The following ITGBL1 variants were observed in gnomAD, a reference collection of about 807,000 sequenced individuals.
ITGBL1 encodes the protein integrin beta-like protein 1.
In ITGBL1, 51 loss-of-function variants were observed where a neutral mutation model predicts 68.5. That is an observed-to-expected ratio of 0.74 (90% CI 0.59 to 0.94). The LOEUF is 0.94. ITGBL1 is among the 40% of genes least tolerant of loss of function. The pLI is 0.00. For missense variants in ITGBL1, 649 were observed against 647.4 expected (o/e 1.00, Z -0.03); for synonymous variants, 209 against 227.3 (o/e 0.92, Z 0.72).
At chr13:101,643,583 C>G (rs955620716) in intron 7 of ITGBL1, among the ~76,000 whole-genome samples, 4 of 152,132 alleles carry the variant, frequency 2.6e-5, no homozygotes, top group African/African-American at 9.7e-5. Context: ...CCACTGTGAT[C>G]ACAGAACACA....
At chr13:101,510,542 G>C (rs1006542087) in intron 2 of ITGBL1, among the ~76,000 whole-genome samples, 2 of 152,056 alleles carry the variant, frequency 1.3e-5, no homozygotes, top group Non-Finnish European at 2.9e-5. Context: ...TCAAATGGTA[G>C]CTCTGTTTTA....
At chr13:101,475,500 T>C (rs887517096) in intron 2 of ITGBL1, among the ~76,000 whole-genome samples, 2 of 148,162 alleles carry the variant, frequency 1.3e-5, no homozygotes, top group East Asian at 2.3e-4. Context: ...GAGATCAGCA[T>C]AGAAAATTTA....
rs2034556789 is a variant in ITGBL1 at position 101,713,202 on chromosome 13, A to G, written c.1280-1236A>G. 5 of 152,326 alleles carry G rather than the reference A, an allele frequency of 3.3e-5. No individual in the cohort carries two copies. In the South Asian group the frequency reaches 1.0e-3, roughly 32 times the overall value. 9.4% of individuals were successfully genotyped at this position (152,326 alleles called of 1,614,324 possible). On this transcript the variant is annotated intron_variant, in intron 9 of 10. Coordinates refer to ENST00000376180, the MANE Select transcript of ITGBL1 (RefSeq NM_004791.3). ...CAGTTTCCCTGATATGAAATATCACATAGTTGAGACACATGAACCTGAATC... is the reference window on the plus strand; with the variant it reads ...CAGTTTCCCTGATATGAAATATCACGTAGTTGAGACACATGAACCTGAATC...
chr13:101,544,015 G>A (rs925005114), intron 2 of ITGBL1, among the ~76,000 whole-genome samples: 3 of 152,054 alleles, frequency 2.0e-5, no homozygotes, highest in Non-Finnish European at 2.9e-5. Context: ...CCTTTAGCTC[G>A]GAGTAGTTTG....
At chr13:101,671,023 G>C (rs549669036) in intron 7 of ITGBL1, among the ~76,000 whole-genome samples, 1 of 152,142 alleles carries the variant, frequency 6.6e-6, no homozygotes, top group Non-Finnish European at 1.5e-5. Context: ...GAACCCTGCA[G>C]AGTTCAAATT....
At chr13:101,595,562 C>T (rs1446001239) in intron 6 of ITGBL1, among the ~76,000 whole-genome samples, 1 of 151,884 alleles carries the variant, frequency 6.6e-6, no homozygotes, top group Non-Finnish European at 1.5e-5. Context: ...GACATTTTTC[C>T]AAAGAAGATA....
chr13:101,694,067 T>C (rs1566793832), intron 8 of ITGBL1, among the ~76,000 whole-genome samples: 1 of 152,162 alleles, frequency 6.6e-6, no homozygotes, highest in African/African-American at 2.4e-5. Flanking sequence ...GAAGTTAACA[T>C]CCCATAACTA....
intron 2 of ITGBL1, among the ~76,000 whole-genome samples, chr13:101,501,179 G>T (rs767390244): frequency 7.2e-5 from 11 of 152,150 alleles, no homozygotes; most frequent in South Asian, 2.1e-4. Flanking sequence ...TAAATCTGAT[G>T]ACCTTTCTTC....
chr13:101,502,342 A>T (rs1164787000), intron 2 of ITGBL1, among the ~76,000 whole-genome samples: 1 of 152,184 alleles, frequency 6.6e-6, no homozygotes, highest in Non-Finnish European at 1.5e-5. Context: ...GCCATGCTGG[A>T]GCCCTGTGTC....
At chr13:101,619,787 T>G (rs1308368903) in intron 7 of ITGBL1, among the ~76,000 whole-genome samples, 1 of 152,324 alleles carries the variant, frequency 6.6e-6, no homozygotes, top group Middle Eastern at 3.4e-3. Context: ...TGAAAAAGAA[T>G]TATGTATAAA....
chr13:101,630,305 G>A (rs1286508126), intron 7 of ITGBL1, among the ~76,000 whole-genome samples: 2 of 151,902 alleles, frequency 1.3e-5, no homozygotes, highest in Non-Finnish European at 1.5e-5. Flanking sequence ...TAAAATAAAT[G>A]ACAAATCATT....
At position 101,692,694 on chromosome 13, in the gene ITGBL1, C is replaced by A; in HGVS notation, c.1125C>A (p.Val375=). The A allele has an allele frequency of 6.2e-7, 1 of 1,608,828 alleles. No individual in the cohort carries two copies. The highest frequency in any genetic ancestry group is 1.1e-5 in the South Asian group (1 of 90,976). ...GCTGTGAAGACCTCGATGGTGTGGT[C>A]TGTGGAGGTAGTAACCTTTCTCATA... ...DRRCEDLDGV[V]CGGHGTCSCG... Residue 375 remains valine (V), a synonymous_variant, in exon 8 of 11, where the codon GTC becomes GTA. Transcript: ENST00000376180.
intron 2 of ITGBL1, among the ~76,000 whole-genome samples, chr13:101,486,257 A>G (rs1306401927): frequency 6.6e-6 from 1 of 152,192 alleles, no homozygotes; most frequent in Non-Finnish European, 1.5e-5. Flanking sequence ...AACCAAATAT[A>G]TGTTCTCACT....
chr13:101,595,220 C>T (rs1379833157), intron 6 of ITGBL1, among the ~76,000 whole-genome samples: 1 of 152,240 alleles, frequency 6.6e-6, no homozygotes. Flanking sequence ...AAAGTGGAGG[C>T]AGAGCTAGTG....
At chr13:101,509,583 A>G (rs1198525032) in intron 2 of ITGBL1, among the ~76,000 whole-genome samples, 1 of 152,130 alleles carries the variant, frequency 6.6e-6, no homozygotes, top group Non-Finnish European at 1.5e-5. Context: ...GATATTCAAT[A>G]TCATTATTAT....
chr13:101,493,346 GA>G (rs879435983), intron 2 of ITGBL1, among the ~76,000 whole-genome samples: 131 of 142,064 alleles, frequency 9.2e-4, no homozygotes, highest in East Asian at 4.7e-3. Flanking sequence ...GTCACTTATT[GA>G]AAAAAAAAAA....
At chr13:101,713,344 C>T (rs2034567503) in intron 9 of ITGBL1, 1 of 152,098 alleles carries the variant, frequency 6.6e-6, no homozygotes, top group African/African-American at 2.4e-5. Context: ...TTGATTCTTG[C>T]CCCTTTTCAA....
intron 2 of ITGBL1, among the ~76,000 whole-genome samples, chr13:101,470,392 C>T (rs1006557855): frequency 1.1e-4 from 17 of 151,636 alleles, no homozygotes; most frequent in South Asian, 2.1e-4. Flanking sequence ...TGCAGTGGCG[C>T]GATCTCGGCT....
chr13:101,501,305 G>T (rs1262014906), intron 2 of ITGBL1, among the ~76,000 whole-genome samples: 1 of 152,154 alleles, frequency 6.6e-6, no homozygotes. Flanking sequence ...CAGAATCCTT[G>T]CAGTAATGGT....
Sources: allele counts gnomAD v4.1 joint callset (sites outside exome capture counted in the v4.1 genomes callset), GRCh38; gene constraint gnomAD v4.1.1; transcripts MANE v1.5; gene names NCBI Gene and HGNC (gene_info 2026-07-23, HGNC 2026-07-21).